Variants in MYO18B observed in about 807,000 individuals in gnomAD.
MYO18B encodes myosin XVIIIB.
Under a neutral mutation model 273.0 loss-of-function variants are expected in MYO18B, and 204 were observed. That is an observed-to-expected ratio of 0.75 (90% confidence interval 0.67 to 0.84). The LOEUF is 0.84. Ranked by LOEUF, MYO18B falls within the 40% of genes least tolerant of loss-of-function variation. The pLI, the probability that MYO18B is intolerant of heterozygous loss-of-function variation, is 0.00. For synonymous variants in MYO18B, 1,330 were observed against 1,305.7 expected (o/e 1.02, Z -0.40); for missense variants, 3,212 against 3,287.6 (o/e 0.98, Z 0.56).
chr22:25,772,713 A>G (rs765434973), intron 7 of MYO18B, among the ~76,000 whole-genome samples: 1 of 152,246 alleles, frequency 6.6e-6, no homozygotes, highest in Non-Finnish European at 1.5e-5. Flanking sequence ...ATCAGTCACC[A>G]TTAGGACAGA....
chr22:25,835,200 T>C, intron 16 of MYO18B, 96 bp from the exon 17 acceptor site: 1 of 1,431,040 alleles, frequency 7.0e-7, no homozygotes, highest in South Asian at 1.4e-5. Context: ...CACTTGGGAC[T>C]TGGATGCTCT....
intron 39 of MYO18B, among the ~76,000 whole-genome samples, chr22:25,991,350 G>A (rs970245024): frequency 3.9e-5 from 6 of 152,164 alleles, no homozygotes; most frequent in Admixed American, 3.3e-4. Flanking sequence ...TTCTTTGTGG[G>A]ATTGTCCTGT....
Position 25,763,294 on chromosome 22 carries a change from G to T in MYO18B, c.103G>T (p.Gly35Trp), listed in dbSNP as rs771717793. The change falls in exon 3 of 44, where the codon GGG (glycine) becomes TGG (tryptophan). Residue 35 changes from glycine to tryptophan, a missense_variant. Physicochemically the swap from Gly to Trp is radical, Grantham distance 184 (BLOSUM62 -2). Transcript: ENST00000335473. ...CCCTCCTCTTTTCTCTGTCATCCCA[G>T]GGGGCTTCATTAAGCAACTGGTCCG... Reference protein sequence around the residue: ...SPPPLFSVIPGGFIKQLVRGT... With the variant: ...SPPPLFSVIPWGFIKQLVRGT... The T allele has an allele frequency of 6.2e-7, 1 of 1,612,918 alleles. No homozygotes were observed. Among genetic ancestry groups the T allele is most frequent in the Admixed American group, 1.7e-5 (1 of 59,650 alleles).
At chr22:25,888,946 A>G (rs978411924) in intron 25 of MYO18B, among the ~76,000 whole-genome samples, 1 of 152,166 alleles carries the variant, frequency 6.6e-6, no homozygotes, top group African/African-American at 2.4e-5. Flanking sequence ...ACTCTTTTTG[A>G]AAGATGTTTT....
chr22:26,010,068 G>T (rs1005597146), intron 42 of MYO18B, among the ~76,000 whole-genome samples: 4 of 152,014 alleles, frequency 2.6e-5, no homozygotes, highest in African/African-American at 9.7e-5. Flanking sequence ...CACCACGTTG[G>T]AGCCCTTGTT....
Position 25,877,922 on chromosome 22 carries a change from C to T in MYO18B, c.4225-37C>T, listed in dbSNP as rs5752240. 0.32 allele frequency: 489,502 copies of T among 1,525,914 alleles called. 80,684 individuals are homozygous for T. Among genetic ancestry groups the T allele is most frequent in the East Asian group, 0.48 (19,680 of 40,882 alleles). The allele number at this position is 1,525,914 out of a possible 1,614,324, so 94.5% of individuals were successfully genotyped here. On this transcript the variant is annotated intron_variant, in intron 24 of 43. Transcript: ENST00000335473. Reference sequence around the variant, plus strand: ...AACACAGGTGGAACTTAATCTCTGGCCTGGAATGGTTTCTGTTCATGTGTT... The same window carrying T: ...AACACAGGTGGAACTTAATCTCTGGTCTGGAATGGTTTCTGTTCATGTGTT...
the MYO18B span, among the ~76,000 whole-genome samples, chr22:26,040,166 A>G: frequency 6.6e-6 from 1 of 152,226 alleles, no homozygotes. Flanking sequence ...CTCTAGCTCC[A>G]TCTGAGTTGC....
chr22:25,969,223 A>G (rs1331021774), intron 39 of MYO18B, among the ~76,000 whole-genome samples: 1 of 152,220 alleles, frequency 6.6e-6, no homozygotes, highest in Admixed American at 6.5e-5. Context: ...GGACAGAGAG[A>G]TATCCCTTGC....
intron 1 of MYO18B, among the ~76,000 whole-genome samples, chr22:25,755,621 T>C (rs976826187): frequency 1.3e-5 from 2 of 152,192 alleles, no homozygotes; most frequent in Non-Finnish European, 2.9e-5. Context: ...TGGGAGGTGT[T>C]TGGGTCATGG....
At chr22:25,754,701 A>G (rs920101279) in intron 1 of MYO18B, among the ~76,000 whole-genome samples, 1 of 152,162 alleles carries the variant, frequency 6.6e-6, no homozygotes, top group Non-Finnish European at 1.5e-5. Flanking sequence ...TGGCGATAAG[A>G]ACACTTGCTT....
At chr22:25,892,090 G>A (rs1347389322) in intron 27 of MYO18B, 1 of 152,222 alleles carries the variant, frequency 6.6e-6, no homozygotes, top group Non-Finnish European at 1.5e-5. Flanking sequence ...TGTATTTCTG[G>A]ATTTGGATTT....
At chr22:26,032,346 A>G (rs1936685588), downstream of MYO18B, among the ~76,000 whole-genome samples, 1 of 152,034 alleles carries the variant, frequency 6.6e-6, no homozygotes, top group African/African-American at 2.4e-5. Context: ...GGTTTTTCCT[A>G]AGGCCTCTGT....
At chr22:25,743,725 A>T (rs543826659) in intron 1 of MYO18B, among the ~76,000 whole-genome samples, 18 of 152,250 alleles carry the variant, frequency 1.2e-4, no homozygotes, top group South Asian at 2.1e-4. Context: ...GTCACCTTGA[A>T]TATCCTGGTG....
In MYO18B at chr22:25,763,900, C is replaced by G. The variant is rs1448101084; in HGVS notation, c.198+511C>G. 5.3e-5 allele frequency among the ~76,000 whole-genome samples: 8 copies of G among 152,202 alleles called. No homozygotes were observed. In the East Asian group the frequency reaches 1.5e-3, roughly 29 times the overall value. On this transcript the variant is annotated intron_variant, in intron 3 of 43. Coordinates refer to ENST00000335473, the MANE Select transcript of MYO18B (RefSeq NM_032608.7). ...CTGGCTAAGATGTATAGTTGGTTCA[C>G]TTTAAGCAGAAAGCTATTGAGTTGG...
chr22:25,823,615 A>G lies in MYO18B; in HGVS notation c.2632A>G (p.Ile878Val), dbSNP rs1321763584. 6.2e-7 allele frequency: 1 copy of G among 1,613,814 alleles called. No individual in the cohort carries two copies. The highest frequency in any genetic ancestry group is 8.5e-7 in the Non-Finnish European group (1 of 1,179,878). Residue 878 changes from isoleucine to valine, a missense_variant, in exon 13 of 44, where the codon ATC becomes GTC. Ile to Val is a conservative substitution (Grantham distance 29, BLOSUM62 3). Transcript: ENST00000335473. ...TATFKHHLRQ[I>V]IQQMTFGPSR... ...CACCTTCAAGCACCACCTTCGACAGATCATCCAGCAAATGACGTTTGGGCC... is the reference window on the plus strand; with the variant it reads ...CACCTTCAAGCACCACCTTCGACAGGTCATCCAGCAAATGACGTTTGGGCC...
chr22:25,907,129 T>C (rs2146365210), intron 31 of MYO18B, among the ~76,000 whole-genome samples: 1 of 152,382 alleles, frequency 6.6e-6, no homozygotes, highest in Middle Eastern at 3.4e-3. Flanking sequence ...GGTGAAGCCC[T>C]GCAATTTGTA....
chr22:25,846,232 C>G lies in MYO18B; in HGVS notation c.3501C>G (p.Ser1167Arg). 6.2e-7 allele frequency: 1 copy of G among 1,612,374 alleles called. No homozygotes were observed. The change falls in exon 19 of 44, where the codon AGC becomes AGG. Residue 1167 changes from serine to arginine, a missense_variant. Coordinates refer to ENST00000335473, the MANE Select transcript of MYO18B (RefSeq NM_032608.7). ...SRMVRRTFAS[S>R]LAAVRRKAPC... ...TGGTGAGGAGGACCTTTGCCAGCAG[C>G]CTTGCCGCGGTGAGGAGGAAAGCCC...
chr22:25,940,149 TCC>T (rs1216436486), intron 34 of MYO18B, among the ~76,000 whole-genome samples: 1 of 152,206 alleles, frequency 6.6e-6, no homozygotes, highest in Non-Finnish European at 1.5e-5. Flanking sequence ...TTGGCTATGT[TCC>T]CACACAAATC....
At chr22:26,012,670 C>A (rs964909410) in intron 42 of MYO18B, among the ~76,000 whole-genome samples, 1 of 152,194 alleles carries the variant, frequency 6.6e-6, no homozygotes, top group African/African-American at 2.4e-5. Flanking sequence ...CTGTCTAGAA[C>A]TCGAGGTCTT....
Sources: gnomAD v4.1 joint callset for allele counts (sites outside exome capture counted in the v4.1 genomes callset) on GRCh38, gnomAD v4.1.1 for gene constraint, MANE v1.5 for transcripts, NCBI Gene and HGNC (gene_info 2026-07-23, HGNC 2026-07-21) for gene names.